NCOA2: variants seen among roughly 807,000 people sequenced by gnomAD.
NCOA2 encodes the protein class E basic helix-loop-helix protein 75.
NCOA2 carries 21 observed loss-of-function variants against 145.1 expected under a neutral mutation model. The observed-to-expected ratio is 0.14, with a 90% CI of 0.10 to 0.21. The LOEUF is 0.21. Ranked by LOEUF, NCOA2 falls within the 10% of genes least tolerant of loss-of-function variation. The pLI, the probability that NCOA2 is intolerant of heterozygous loss-of-function variation, is 1.00. For synonymous variants in NCOA2, 619 were observed against 637.5 expected, an observed-to-expected ratio of 0.97 and a Z score of 0.44; for missense variants, 1,472 against 1,837.6, an observed-to-expected ratio of 0.80 and a Z score of 3.64.
intron 1 of NCOA2, among the ~76,000 whole-genome samples, chr8:70,361,300 GC>G (rs1810177480): frequency 6.6e-6 from 1 of 152,144 alleles, no homozygotes; most frequent in East Asian, 1.9e-4. Context: ...CAGATCAACA[GC>G]CTGACCAACA....
At chr8:70,352,490 T>C (rs778373082) in intron 1 of NCOA2, among the ~76,000 whole-genome samples, 183 of 152,322 alleles carry the variant, frequency 1.2e-3, no homozygotes, top group Non-Finnish European at 2.2e-3. Context: ...ATTTTCCTAA[T>C]GCCATTTTGT....
At chr8:70,271,139 T>C (rs1034820536) in intron 2 of NCOA2, among the ~76,000 whole-genome samples, 30 of 152,192 alleles carry the variant, frequency 2.0e-4, no homozygotes, top group African/African-American at 7.2e-4. Flanking sequence ...TTTTCAAACA[T>C]CTTTTTAAAC....
At chr8:70,326,620 T>TAA in intron 1 of NCOA2, among the ~76,000 whole-genome samples, 1 of 152,144 alleles carries the variant, frequency 6.6e-6, no homozygotes, top group Non-Finnish European at 1.5e-5. Flanking sequence ...GATATATATA[T>TAA]AACAAATCAT....
chr8:70,212,680 G>C (rs1335667874), intron 4 of NCOA2, among the ~76,000 whole-genome samples: 2 of 152,126 alleles, frequency 1.3e-5, no homozygotes, highest in African/African-American at 2.4e-5. Context: ...ACAGTTTCAG[G>C]CTCATGTATT....
At chr8:70,155,890 G>T in intron 11 of NCOA2, 81 bp downstream of exon 11, 2 of 1,124,948 alleles carry the variant, frequency 1.8e-6, no homozygotes, top group South Asian at 3.4e-5. Flanking sequence ...CCAATCACCT[G>T]AGACTTCAAA....
In NCOA2 at chr8:70,272,886, AAACT is replaced by A. The variant is rs564778992; in HGVS notation, c.-20+23854_-20+23857del. On this transcript the variant is annotated intron_variant, in intron 2 of 22. Transcript: ENST00000452400. ...AATAATTTAATATTTACAGTGAAGA[AAACT>A]AACTTTCATCTTCATTTTTAAAGTA... Among the ~76,000 whole-genome samples the A allele has an allele frequency of 4.1e-3, 630 of 152,316 alleles. 9 individuals carry two copies. The highest frequency in any genetic ancestry group is 0.014 in the African/African-American group (565 of 41,556).
At chr8:70,263,409 A>AT (rs1824303215) in intron 2 of NCOA2, among the ~76,000 whole-genome samples, 1 of 151,982 alleles carries the variant, frequency 6.6e-6, no homozygotes, top group South Asian at 2.1e-4. Context: ...GAAACCACGT[A>AT]TAAGGGTGCA....
At chr8:70,201,250 AT>A (rs1817857275) in intron 4 of NCOA2, among the ~76,000 whole-genome samples, 1 of 152,154 alleles carries the variant, frequency 6.6e-6, no homozygotes, top group Admixed American at 6.5e-5. Context: ...AATTCTTGTA[AT>A]TTTGTGAAGT....
At chr8:70,164,991 T>C (rs1563554322) in intron 7 of NCOA2, among the ~76,000 whole-genome samples, 2 of 152,206 alleles carry the variant, frequency 1.3e-5, no homozygotes, top group Non-Finnish European at 2.9e-5. Flanking sequence ...GATTAGAATC[T>C]GAGCATGCCA....
intron 2 of NCOA2, among the ~76,000 whole-genome samples, chr8:70,265,776 C>G (rs1447149560): frequency 6.6e-6 from 1 of 152,148 alleles, no homozygotes; most frequent in Non-Finnish European, 1.5e-5. Context: ...TCCAAATTCA[C>G]CCTGTGTACC....
chr8:70,239,355 C>T (rs1410649277), intron 2 of NCOA2, among the ~76,000 whole-genome samples: 1 of 152,084 alleles, frequency 6.6e-6, no homozygotes. Flanking sequence ...CTACCAACCA[C>T]CAAGCAGAAA....
chr8:70,298,240 C>G (rs1364517531), intron 1 of NCOA2, among the ~76,000 whole-genome samples: 1 of 152,168 alleles, frequency 6.6e-6, no homozygotes, highest in Non-Finnish European at 1.5e-5. Flanking sequence ...ATCAAAATTA[C>G]TATTTTTCTT....
At chr8:70,122,760 T>C (rs1386523959) in intron 21 of NCOA2, among the ~76,000 whole-genome samples, 1 of 152,212 alleles carries the variant, frequency 6.6e-6, no homozygotes, top group African/African-American at 2.4e-5. Context: ...GTTCTTAAAA[T>C]TTTCACAAAA....
At chr8:70,309,606 T>C (rs558584339) in intron 1 of NCOA2, among the ~76,000 whole-genome samples, 118 of 152,290 alleles carry the variant, frequency 7.7e-4, no homozygotes, top group African/African-American at 2.6e-3. Flanking sequence ...TTATGTATCA[T>C]AGTGGTATCT....
intron 1 of NCOA2, among the ~76,000 whole-genome samples, chr8:70,307,704 T>G (rs1828002088): frequency 6.6e-6 from 1 of 152,126 alleles, no homozygotes; most frequent in Admixed American, 6.5e-5. Context: ...TCATGTGGAG[T>G]ATTTGAAACA....
intron 5 of NCOA2, 142 bp downstream of exon 5, chr8:70,174,614 C>T (rs2132746520): frequency 2.9e-6 from 2 of 696,962 alleles, no homozygotes; most frequent in Non-Finnish European, 2.4e-6. Flanking sequence ...TAGAGACACA[C>T]AGGCATATCA....
intron 2 of NCOA2, among the ~76,000 whole-genome samples, chr8:70,219,510 G>T (rs1819946448): frequency 6.6e-6 from 1 of 152,158 alleles, no homozygotes; most frequent in Non-Finnish European, 1.5e-5. Context: ...AGTCGGGGAT[G>T]CCTGGCCAAG....
intron 1 of NCOA2, among the ~76,000 whole-genome samples, chr8:70,350,899 T>G (rs1809115441): frequency 6.6e-6 from 1 of 152,212 alleles, no homozygotes. Flanking sequence ...TACCACAGAC[T>G]CAGTAATTTA....
chr8:70,313,093 G>A (rs1805265950), intron 1 of NCOA2, among the ~76,000 whole-genome samples: 1 of 152,168 alleles, frequency 6.6e-6, no homozygotes, highest in Non-Finnish European at 1.5e-5. Context: ...TAAAGGGGAA[G>A]ATAAATTACT....
Sources: gnomAD v4.1 joint callset for allele counts (sites outside exome capture counted in the v4.1 genomes callset) on GRCh38, gnomAD v4.1.1 for gene constraint, MANE v1.5 for transcripts, NCBI Gene and HGNC (gene_info 2026-07-23, HGNC 2026-07-21) for gene names.